MAST4: variants seen among roughly 807,000 people sequenced by gnomAD.
MAST4 encodes microtubule-associated serine/threonine-protein kinase 4.
A neutral mutation model predicts 162.7 loss-of-function variants in MAST4; 89 were observed. That is an observed-to-expected ratio of 0.55 (90% CI 0.46 to 0.65). The LOEUF (loss-of-function observed/expected upper bound fraction) is 0.65, where lower values mean the gene tolerates loss of function less well. Ranked by LOEUF, MAST4 falls within the 30% of genes least tolerant of loss-of-function variation. MAST4 has a pLI of 0.00. For missense variants in MAST4, 3,153 were observed against 3,374.0 expected, an observed-to-expected ratio of 0.93 and a Z score of 1.62; for synonymous variants, 1,479 against 1,361.1, an observed-to-expected ratio of 1.09 and a Z score of -1.91.
intron 10 of MAST4, among the ~76,000 whole-genome samples, chr5:67,108,460 T>G (rs183334707): frequency 2.0e-5 from 3 of 152,292 alleles, no homozygotes; most frequent in African/African-American, 7.2e-5. Flanking sequence ...AATCTATTTT[T>G]GTTGCAAAGC....
chr5:66,734,585 G>T (rs1458213395), intron 1 of MAST4, among the ~76,000 whole-genome samples: 1 of 151,958 alleles, frequency 6.6e-6, no homozygotes, highest in Non-Finnish European at 1.5e-5. Flanking sequence ...ATGTTTTCTG[G>T]GCTCTCACTT....
At chr5:66,602,074 CT>C (rs1254661114) in intron 1 of MAST4, among the ~76,000 whole-genome samples, 3 of 152,136 alleles carry the variant, frequency 2.0e-5, no homozygotes, top group Non-Finnish European at 4.4e-5. Flanking sequence ...ATATGAAATA[CT>C]TTTGATCTGT....
chr5:66,959,086 G>A (rs1389992643), intron 4 of MAST4: 1 of 635,780 alleles, frequency 1.6e-6, no homozygotes, highest in Non-Finnish European at 2.9e-6. Context: ...TCTTGATTAC[G>A]GCTAGAGGTG....
At chr5:66,761,861 C>T (rs1753867311) in intron 2 of MAST4, among the ~76,000 whole-genome samples, 1 of 152,068 alleles carries the variant, frequency 6.6e-6, no homozygotes, top group Non-Finnish European at 1.5e-5. Context: ...AGTAGGAGAT[C>T]CCAAAGATTA....
intron 4 of MAST4, among the ~76,000 whole-genome samples, chr5:66,956,306 C>G (rs1745307975): frequency 6.6e-6 from 1 of 152,172 alleles, no homozygotes; most frequent in African/African-American, 2.4e-5. Context: ...TTAGTTGTAT[C>G]CAGGGGTGCT....
At chr5:67,044,362 G>T (rs1757117933) in intron 4 of MAST4, among the ~76,000 whole-genome samples, 1 of 152,054 alleles carries the variant, frequency 6.6e-6, no homozygotes, top group Non-Finnish European at 1.5e-5. Flanking sequence ...ATGCAGACTA[G>T]GTCTCTCCTA....
chr5:66,760,079 ATTTATTTATTTATTT>A lies in MAST4; in HGVS notation c.517+218_517+232del, dbSNP rs1561312382. Reference sequence around the variant, plus strand: ...TTTACATGCAGTGACAATATCCCCTATTTATTTATTTATTTATTTATTTATTTATTTATTTATTTA... The same window carrying A: ...TTTACATGCAGTGACAATATCCCCTAATTTATTTATTTATTTATTTATTTA... On this transcript the variant is annotated intron_variant, in intron 2 of 28. Coordinates refer to ENST00000403625, the MANE Select transcript of MAST4 (RefSeq NM_001164664.2). Among the ~76,000 whole-genome samples, 217 of 136,140 alleles carry A rather than the reference ATTTATTTATTTATTT, an allele frequency of 1.6e-3. 1 individual carries two copies. Among genetic ancestry groups the A allele is most frequent in the African/African-American group, 5.6e-3 (204 of 36,712 alleles). 89.3% of individuals were successfully genotyped at this position (136,140 alleles called of 152,430 possible).
At position 67,145,351 on chromosome 5, in the gene MAST4, C is replaced by T. The variant is rs759984155; in HGVS notation, c.3066C>T (p.Ala1022=). The change falls in exon 23 of 29, where the codon GCC becomes GCT. Residue 1022 remains alanine (A), a synonymous_variant. Transcript: ENST00000403625. The part of the protein sequence containing the change: ...AQEEPEVTTP[A]STISSSTLSV... ...AGGAGCCTGAGGTCACCACCCCAGC[C>T]AGCACCATCAGCAGCTCCACCCTGT... The T allele has an allele frequency of 1.9e-6, 3 of 1,613,104 alleles. No individual in the cohort carries two copies. The East Asian group carries it at 6.7e-5, about 36-fold the overall frequency.
Position 67,163,237 on chromosome 5 carries a change from G to T in MAST4, c.4058G>T (p.Gly1353Val), listed in dbSNP as rs762671633. ...CACATCCGGCCCAGCACTCTCCACG[G>T]TCTTGCACCCAAACTCGGCGGGCAG... ...SGHIRPSTLH[G>V]LAPKLGGQRY... Residue 1353 changes from glycine to valine, a missense_variant, in exon 29 of 29, where the codon GGT becomes GTT. This residue lies in a region of MAST4 where 619 missense variants were observed against 744.2 expected (regional missense o/e 0.83). Coordinates refer to ENST00000403625, the MANE Select transcript of MAST4 (RefSeq NM_001164664.2). This position sits in a 1 kb window ranked among gnomAD's most constrained non-coding sequence, Gnocchi z 7.0. 2 of 1,613,806 alleles carry T rather than the reference G, an allele frequency of 1.2e-6. No individual in the cohort carries two copies. Among genetic ancestry groups the T allele is most frequent in the Non-Finnish European group, 1.7e-6 (2 of 1,179,888 alleles).
intron 1 of MAST4, among the ~76,000 whole-genome samples, chr5:66,722,100 C>A (rs1289438829): frequency 6.6e-6 from 1 of 152,058 alleles, no homozygotes. Flanking sequence ...ACAGAGCAGC[C>A]AGAGTGATCC....
intron 1 of MAST4, among the ~76,000 whole-genome samples, chr5:66,727,543 C>T (rs1026631678): frequency 6.6e-6 from 1 of 152,088 alleles, no homozygotes; most frequent in African/African-American, 2.4e-5. Context: ...AGTATAGTTT[C>T]CAAGTTCAGT....
At chr5:66,669,161 C>T (rs1334001643) in intron 1 of MAST4, among the ~76,000 whole-genome samples, 1 of 152,174 alleles carries the variant, frequency 6.6e-6, no homozygotes, top group Non-Finnish European at 1.5e-5. Flanking sequence ...TCTACCACAT[C>T]TCAGGCTTAG....
At chr5:67,037,511 GCTATC>G (rs1371321887) in intron 4 of MAST4, among the ~76,000 whole-genome samples, 1 of 152,106 alleles carries the variant, frequency 6.6e-6, no homozygotes, top group Admixed American at 6.5e-5. Context: ...CAAAAAATGA[GCTATC>G]CTAAGAAACA....
intron 5 of MAST4, among the ~76,000 whole-genome samples, chr5:67,081,014 T>A (rs1234660131): frequency 1.5e-5 from 2 of 137,166 alleles, no homozygotes; most frequent in African/African-American, 5.5e-5. Context: ...ATATAATATA[T>A]AATTGTATAT....
At chr5:66,644,076 T>C (rs1345254691) in intron 1 of MAST4, among the ~76,000 whole-genome samples, 2 of 152,094 alleles carry the variant, frequency 1.3e-5, no homozygotes, top group Non-Finnish European at 2.9e-5. Flanking sequence ...AGATTGTTAG[T>C]ACCTACTGTA....
At chr5:67,105,757 G>A (rs908222906) in intron 10 of MAST4, among the ~76,000 whole-genome samples, 4 of 152,086 alleles carry the variant, frequency 2.6e-5, no homozygotes, top group African/African-American at 9.7e-5. Flanking sequence ...ACGTGCTTAC[G>A]CTTAAAATTG....
rs2289882 is a variant in MAST4, at chr5:66,788,779, G to T, written c.627G>T (p.Ser209=). The change falls in exon 3 of 29, where the codon TCG becomes TCT. Residue 209 remains serine, a synonymous_variant. Coordinates refer to ENST00000403625, the MANE Select transcript of MAST4 (RefSeq NM_001164664.2). ...RSQALGQSAP[S]LTASLKELSL... is the part of the protein sequence containing the mutation. ...AGGCCCTGGGCCAGTCGGCGCCCTC[G>T]CTCACCGCCAGCCTGGTGAGTGTCC... 23 of 1,593,842 alleles carry T rather than the reference G, an allele frequency of 1.4e-5. No individual in the cohort carries two copies. Among genetic ancestry groups the T allele is most frequent in the Middle Eastern group, 1.8e-4 (1 of 5,558 alleles).
At chr5:67,075,399 C>A (rs995022777) in intron 5 of MAST4, among the ~76,000 whole-genome samples, 26 of 151,842 alleles carry the variant, frequency 1.7e-4, no homozygotes, top group Non-Finnish European at 1.3e-4. Context: ...GGTCTTGAAC[C>A]TCCTGGGCTC....
At chr5:66,999,585 C>T (rs531008717) in intron 4 of MAST4, among the ~76,000 whole-genome samples, 1 of 152,336 alleles carries the variant, frequency 6.6e-6, no homozygotes, top group East Asian at 1.9e-4. Flanking sequence ...TTAGCATGTC[C>T]TTTACTTGCT....
Sources: gnomAD v4.1 joint callset for allele counts (sites outside exome capture counted in the v4.1 genomes callset) on GRCh38, gnomAD v4.1.1 for gene constraint, gnomAD v4.1.1 regional missense constraint, Gnocchi (gnomAD v3.1) non-coding constraint, MANE v1.5 for transcripts, NCBI Gene and HGNC (gene_info 2026-07-23, HGNC 2026-07-21) for gene names.